The following AURKA variants were observed in gnomAD, a reference collection of about 807,000 sequenced individuals.
AURKA encodes aurora kinase A.
AURKA carries 12 observed loss-of-function variants against 40.9 expected under a neutral mutation model. That is an observed-to-expected ratio of 0.29 (90% CI 0.19 to 0.48). The LOEUF (loss-of-function observed/expected upper bound fraction) is 0.48. AURKA is among the 20% of genes least tolerant of loss of function. The probability of loss-of-function intolerance (pLI) is 0.99; values close to 1 mark genes in which losing one functional copy is unlikely to be tolerated. For missense variants in AURKA, 322 were observed against 462.1 expected (o/e 0.70, Z 2.78); for synonymous variants, 170 against 164.3 (o/e 1.03, Z -0.26).
rs555828123 is a variant in AURKA, at chr20:56,372,390, T to C, written c.854+1018A>G. Among the ~76,000 whole-genome samples, 11 of 152,276 alleles carry C rather than the reference T, an allele frequency of 7.2e-5. No individual in the cohort carries two copies. In the South Asian group the frequency reaches 2.1e-3, roughly 29 times the overall value. ...AAGTGACTATCGGTTATGTAAGTAA[T>C]CTTTTCAAAAAGCAAGAAGCCATCT... On this transcript the variant is annotated intron_variant, in intron 7 of 8. Transcript: ENST00000395915.
intron 2 of AURKA, 116 bp downstream of exon 2, chr20:56,388,040 G>C: frequency 1.7e-5 from 2 of 120,946 alleles, no homozygotes; most frequent in Non-Finnish European, 2.6e-5. Context: ...TCATATCCAG[G>C]ATCACAGTAA....
At chr20:56,374,650 G>A (rs1984690370) in intron 6 of AURKA, among the ~76,000 whole-genome samples, 1 of 151,570 alleles carries the variant, frequency 6.6e-6, no homozygotes, top group Non-Finnish European at 1.5e-5. Flanking sequence ...TGACCAGGCT[G>A]GTCTCAAACT....
chr20:56,373,323 T>G lies in AURKA; in HGVS notation c.854+85A>C. ...CCTACCCCTCTTACAGCACAAAATCTACACTGAAATATTTTACATTTAGCT... is the reference window on the plus strand; with the variant it reads ...CCTACCCCTCTTACAGCACAAAATCGACACTGAAATATTTTACATTTAGCT... On this transcript the variant is annotated intron_variant, in intron 7 of 8. Transcript: ENST00000395915. This position sits in a 1 kb window ranked among gnomAD's most constrained non-coding sequence, Gnocchi z 5.0. The G allele has an allele frequency of 6.2e-7, 1 of 1,601,066 alleles. No homozygotes were observed. Among genetic ancestry groups the G allele is most frequent in the East Asian group, 2.2e-5 (1 of 44,802 alleles).
intron 6 of AURKA, among the ~76,000 whole-genome samples, chr20:56,379,545 G>A (rs1024822209): frequency 6.6e-6 from 1 of 152,196 alleles, no homozygotes; most frequent in Non-Finnish European, 1.5e-5. Context: ...CAAGTGCCCA[G>A]AGCTTGGTTT....
In AURKA at chr20:56,370,227, G is replaced by C. The variant is rs752627860; in HGVS notation, c.1143C>G (p.Pro381=). The change falls in exon 9 of 9, where the codon CCC becomes CCG. Residue 381 remains proline (P), a synonymous_variant. Coordinates refer to ENST00000395915, the MANE Select transcript of AURKA (RefSeq NM_198437.3). ...GTTTTGATGAATTTGCTGTGATCCAGGGGTGTTCAAGTACTTCTCTGAGCA... is the reference window on the plus strand; with the variant it reads ...GTTTTGATGAATTTGCTGTGATCCACGGGTGTTCAAGTACTTCTCTGAGCA... ...RPMLREVLEH[P]WITANSSKPS... is the part of the protein sequence containing the mutation. 18 of 1,613,944 alleles carry C rather than the reference G, an allele frequency of 1.1e-5. No homozygotes were observed. The highest frequency in any genetic ancestry group is 1.0e-4 in the Admixed American group (6 of 60,000).
chr20:56,390,498 G>C (rs2146223128), intron 1 of AURKA: 1 of 152,042 alleles, frequency 6.6e-6, no homozygotes, highest in South Asian at 2.1e-4. Context: ...GTAGAGACAG[G>C]GTTTCTCTAT....
intron 3 of AURKA, 36 bp downstream of exon 3, chr20:56,386,217 CAAAG>C: frequency 6.2e-7 from 1 of 1,613,446 alleles, no homozygotes; most frequent in Non-Finnish European, 8.5e-7. Context: ...GCAACGACGA[CAAAG>C]AAGGACTATC....
In AURKA at chr20:56,373,935, C is replaced by A. The variant is rs1984592239; in HGVS notation, c.706-379G>T. Among the ~76,000 whole-genome samples, 1 of 152,054 alleles carries A rather than the reference C, an allele frequency of 6.6e-6. No homozygotes were observed. Among genetic ancestry groups the A allele is most frequent in the African/African-American group, 2.4e-5 (1 of 41,386 alleles). On this transcript the variant is annotated intron_variant, in intron 6 of 8. Transcript: ENST00000395915. The surrounding 1 kb of genome is among the most constrained non-coding windows in gnomAD (Gnocchi z 5.0). Reference sequence around the variant, plus strand: ...TCAGCCTGGGTGACAGAAGGAGACCCTGTCTCAAAAAGGAAAAGACAAAAC... The same window carrying A: ...TCAGCCTGGGTGACAGAAGGAGACCATGTCTCAAAAAGGAAAAGACAAAAC...
intron 7 of AURKA, among the ~76,000 whole-genome samples, chr20:56,371,244 C>T (rs1984142771): frequency 6.6e-6 from 1 of 152,054 alleles, no homozygotes; most frequent in South Asian, 2.1e-4. Flanking sequence ...AGGCGGATCA[C>T]GAGGTCAGGA....
At chr20:56,370,404 G>T (rs1434186730) in intron 8 of AURKA, 64 bp from the exon 9 acceptor site, 1 of 1,613,446 alleles carries the variant, frequency 6.2e-7, no homozygotes, top group African/African-American at 1.3e-5. Context: ...TAGTATAGAT[G>T]TTCGGATCTT....
intron 3 of AURKA, among the ~76,000 whole-genome samples, chr20:56,386,040 C>G (rs907835672): frequency 2.0e-5 from 3 of 152,266 alleles, no homozygotes; most frequent in Middle Eastern, 3.4e-3. Flanking sequence ...CCTGGGTGCC[C>G]AACTCTTCCA....
intron 6 of AURKA, among the ~76,000 whole-genome samples, chr20:56,374,556 A>G (rs1250577914): frequency 2.0e-5 from 3 of 152,106 alleles, no homozygotes; most frequent in Non-Finnish European, 2.9e-5. Context: ...ATAGAAGTAC[A>G]TAAGAAATCA....
intron 1 of AURKA, chr20:56,388,533 C>T (rs1264838113): frequency 1.1e-5 from 4 of 356,648 alleles, no homozygotes; most frequent in Non-Finnish European, 2.1e-5. Context: ...CTCTTTAGGC[C>T]GGGCATGGTG....
chr20:56,384,250 T>C lies in AURKA; in HGVS notation c.374+20A>G, dbSNP rs1986089383. The C allele has an allele frequency of 6.3e-7, 1 of 1,581,908 alleles. No individual in the cohort carries two copies. Among genetic ancestry groups the C allele is most frequent in the Admixed American group, 1.7e-5 (1 of 59,932 alleles). ...TATTCTAGTAGAACAGTACAGAACT[T>C]TGTAAATAAGAAAGCTTACTTTTTT... On this transcript the variant is annotated intron_variant, in intron 4 of 8. Coordinates refer to ENST00000395915, the MANE Select transcript of AURKA (RefSeq NM_198437.3).
chr20:56,371,206 T>C (rs1197415698), intron 7 of AURKA, among the ~76,000 whole-genome samples: 1 of 152,100 alleles, frequency 6.6e-6, no homozygotes, highest in African/African-American at 2.4e-5. Flanking sequence ...CTCATGCCTG[T>C]AATGCCAGCA....
In AURKA at chr20:56,373,768, T is replaced by C. The variant is rs60589464; in HGVS notation, c.706-212A>G. Among the ~76,000 whole-genome samples, 5,102 of 152,084 alleles carry C rather than the reference T, an allele frequency of 0.034. 306 individuals carry two copies. The highest frequency in any genetic ancestry group is 0.12 in the African/African-American group (4,866 of 41,442). ...GGGTTCAAGACCAGCCTGGGAAACA[T>C]AGCAAGACTCCATCTCTACAAAAAT... On this transcript the variant is annotated intron_variant, in intron 6 of 8. Coordinates refer to ENST00000395915, the MANE Select transcript of AURKA (RefSeq NM_198437.3). The surrounding 1 kb of genome is among the most constrained non-coding windows in gnomAD (Gnocchi z 5.0).
chr20:56,371,220 T>C (rs1438281653), intron 7 of AURKA, among the ~76,000 whole-genome samples: 1 of 152,148 alleles, frequency 6.6e-6, no homozygotes, highest in Non-Finnish European at 1.5e-5. Context: ...GCCAGCACTT[T>C]GGGAGGCCGA....
rs114438141 is a variant in AURKA at position 56,388,807 on chromosome 20, C to T, written c.-5-605G>A. On this transcript the variant is annotated intron_variant, in intron 1 of 8. Transcript: ENST00000395915. Reference sequence around the variant, plus strand: ...AGCCTATGGGAAAAGAGCGAGACTTCGTCTCAAAACAATAAAATAAAATAA... The same window carrying T: ...AGCCTATGGGAAAAGAGCGAGACTTTGTCTCAAAACAATAAAATAAAATAA... 1,173 of 153,856 alleles carry T rather than the reference C, an allele frequency of 7.6e-3. 18 individuals are homozygous for T. Among genetic ancestry groups the T allele is most frequent in the African/African-American group, 0.025 (1,041 of 41,564 alleles). The allele number at this position is 153,856 out of a possible 1,614,324, so 9.5% of individuals were successfully genotyped here.
At chr20:56,385,889 G>A (rs150514106) in intron 3 of AURKA, among the ~76,000 whole-genome samples, 9 of 152,198 alleles carry the variant, frequency 5.9e-5, no homozygotes, top group East Asian at 1.9e-4. Context: ...TGACCTCACC[G>A]CAGCCTGCCT....
Sources: gnomAD v4.1 joint callset for allele counts (sites outside exome capture counted in the v4.1 genomes callset) on GRCh38, gnomAD v4.1.1 for gene constraint, Gnocchi (gnomAD v3.1) non-coding constraint, MANE v1.5 for transcripts, NCBI Gene and HGNC (gene_info 2026-07-23, HGNC 2026-07-21) for gene names.